Variants in RSPO3 observed in about 807,000 individuals in gnomAD.
RSPO3 encodes the protein R-spondin-3.
In RSPO3, 17 loss-of-function variants were observed where a neutral mutation model predicts 36.5. That is an observed-to-expected ratio of 0.47 (90% CI 0.32 to 0.70). The LOEUF (loss-of-function observed/expected upper bound fraction) is 0.70, where lower values mean the gene tolerates loss of function less well. Among genes scored for constraint, RSPO3 ranks in the 30% least tolerant of loss-of-function variants. The pLI is 0.04. For missense variants in RSPO3, 294 were observed against 322.5 expected (o/e 0.91, Z 0.68); for synonymous variants, 108 against 107.0 (o/e 1.01, Z -0.06).
intron 2 of RSPO3, among the ~76,000 whole-genome samples, chr6:127,149,994 TA>T (rs1468049547): frequency 2.6e-5 from 4 of 151,948 alleles, no homozygotes; most frequent in African/African-American, 9.7e-5. Context: ...TCAACCAATA[TA>T]AAAAACAATG....
chr6:127,119,116 A>C lies in RSPO3; in HGVS notation c.-77A>C. On this transcript the variant is annotated 5_prime_UTR_variant, in exon 1 of 5. Transcript: ENST00000356698. ...CTGTCTATATACGCCTAACACCTAC[A>C]TATATTTTAAAAACATTAAATATAA... The C allele has an allele frequency of 8.6e-7, 1 of 1,158,260 alleles. No individual in the cohort carries two copies. Among genetic ancestry groups the C allele is most frequent in the South Asian group, 1.3e-5 (1 of 74,484 alleles). 71.7% of individuals were successfully genotyped at this position (1,158,260 alleles called of 1,614,324 possible).
chr6:127,177,700 G>T (rs1018069364), intron 4 of RSPO3, among the ~76,000 whole-genome samples: 2 of 151,718 alleles, frequency 1.3e-5, no homozygotes. Context: ...GAAAATATTT[G>T]TTTACTTTAT....
chr6:127,123,674 C>G (rs1773888249), intron 1 of RSPO3, among the ~76,000 whole-genome samples: 1 of 151,982 alleles, frequency 6.6e-6, no homozygotes, highest in Non-Finnish European at 1.5e-5. Flanking sequence ...CCAAGTTACT[C>G]AAGTAATGAG....
In RSPO3 at chr6:127,148,988, T is replaced by A. The variant is rs181769331; in HGVS notation, c.289+149T>A. 4.4e-3 allele frequency: 2,791 copies of A among 640,870 alleles called. 31 individuals carry two copies. The highest frequency in any genetic ancestry group is 0.013 in the Middle Eastern group (28 of 2,208). The allele number at this position is 640,870 out of a possible 1,614,324, so 39.7% of individuals were successfully genotyped here. Reference sequence around the variant, plus strand: ...GCTAAACCATACTTGGACTTAACCCTCAGAACCAGAAAATTTTTATCACTA... The same window carrying A: ...GCTAAACCATACTTGGACTTAACCCACAGAACCAGAAAATTTTTATCACTA... On this transcript the variant is annotated intron_variant, in intron 2 of 4. Transcript: ENST00000356698.
intron 4 of RSPO3, among the ~76,000 whole-genome samples, chr6:127,191,366 CTTG>C (rs973142746): frequency 3.9e-5 from 6 of 152,120 alleles, no homozygotes; most frequent in Admixed American, 6.5e-5. Context: ...GGGGTGTGAA[CTTG>C]TTGTTGACTA....
intron 4 of RSPO3, among the ~76,000 whole-genome samples, chr6:127,155,876 G>GTACA (rs1745924211): frequency 6.7e-6 from 1 of 148,606 alleles, no homozygotes; most frequent in African/African-American, 2.5e-5. Flanking sequence ...GTAGCTAAGT[G>GTACA]TATATATATA....
chr6:127,197,936 T>C lies in RSPO3; in HGVS notation c.*1929T>C, dbSNP rs1427251435. 6.6e-6 allele frequency among the ~76,000 whole-genome samples: 1 copy of C among 152,218 alleles called. No individual in the cohort carries two copies. The highest frequency in any genetic ancestry group is 1.5e-5 in the Non-Finnish European group (1 of 68,038). On this transcript the variant is annotated 3_prime_UTR_variant, in exon 5 of 5. Transcript: ENST00000356698. ...TACAGAATGATGTTAGGTAGAAATA[T>C]GTCCCCAGGTTTGAGACCTTTCGGA...
At chr6:127,140,425 G>C (rs958037521) in intron 1 of RSPO3, among the ~76,000 whole-genome samples, 2 of 152,152 alleles carry the variant, frequency 1.3e-5, no homozygotes, top group African/African-American at 4.8e-5. Flanking sequence ...GAGGAACAGA[G>C]GAGAAACGAG....
chr6:127,122,325 G>A (rs942557946), intron 1 of RSPO3, among the ~76,000 whole-genome samples: 1 of 152,092 alleles, frequency 6.6e-6, no homozygotes, highest in Non-Finnish European at 1.5e-5. Flanking sequence ...TATTTGAATT[G>A]GTATACAGCT....
chr6:127,191,365 A>G (rs2114272790), intron 4 of RSPO3, among the ~76,000 whole-genome samples: 1 of 152,206 alleles, frequency 6.6e-6, no homozygotes, highest in South Asian at 2.1e-4. Flanking sequence ...AGGGGTGTGA[A>G]CTTGTTGTTG....
intron 1 of RSPO3, among the ~76,000 whole-genome samples, chr6:127,130,123 T>G (rs1562240264): frequency 6.6e-6 from 1 of 152,128 alleles, no homozygotes; most frequent in Non-Finnish European, 1.5e-5. Context: ...AATTTTAAGC[T>G]TTCAATATTT....
intron 2 of RSPO3, 33 bp downstream of exon 2, chr6:127,148,872 C>T: frequency 6.5e-7 from 1 of 1,543,162 alleles, no homozygotes; most frequent in African/African-American, 1.4e-5. Context: ...ATTTTTATCT[C>T]ATCTTTGGTG....
intron 4 of RSPO3, among the ~76,000 whole-genome samples, chr6:127,159,341 T>C (rs769505061): frequency 2.6e-5 from 4 of 152,080 alleles, no homozygotes; most frequent in Non-Finnish European, 4.4e-5. Flanking sequence ...TCACAGATAG[T>C]GTATGATCTT....
chr6:127,118,821 A>G lies in RSPO3; in HGVS notation c.-372A>G, dbSNP rs1214370890. ...GCAGCCGCCGCAGCTTCTGAGCCCAAGGGGCCGCCGCTGCAGCCGCCGCCG... is the reference window on the plus strand; with the variant it reads ...GCAGCCGCCGCAGCTTCTGAGCCCAGGGGGCCGCCGCTGCAGCCGCCGCCG... On this transcript the variant is annotated 5_prime_UTR_variant, in exon 1 of 5. Coordinates refer to ENST00000356698, the MANE Select transcript of RSPO3 (RefSeq NM_032784.5). The G allele has an allele frequency of 3.1e-5, 5 of 159,242 alleles. No homozygotes were observed. The highest frequency in any genetic ancestry group is 6.8e-5 in the Non-Finnish European group (5 of 73,782). 9.9% of individuals were successfully genotyped at this position (159,242 alleles called of 1,614,324 possible). A position where few individuals can be genotyped will look rare whatever the true frequency, so the allele number is the denominator to read the frequency against.
At chr6:127,193,130 G>A (rs553912430) in intron 4 of RSPO3, among the ~76,000 whole-genome samples, 2 of 152,302 alleles carry the variant, frequency 1.3e-5, no homozygotes, top group East Asian at 3.9e-4. Context: ...AATGTACAAT[G>A]TGTTAGTTTC....
At chr6:127,124,290 C>G (rs1044055690) in intron 1 of RSPO3, among the ~76,000 whole-genome samples, 4 of 152,040 alleles carry the variant, frequency 2.6e-5, no homozygotes, top group African/African-American at 9.7e-5. Flanking sequence ...CTCACATATC[C>G]CATCCCCACC....
intron 4 of RSPO3, among the ~76,000 whole-genome samples, chr6:127,191,758 T>G (rs1355043817): frequency 6.6e-6 from 1 of 152,216 alleles, no homozygotes; most frequent in South Asian, 2.1e-4. Context: ...AATAGCCTAT[T>G]GGCCTTTTCT....
At chr6:127,138,007 G>A (rs1774194921) in intron 1 of RSPO3, among the ~76,000 whole-genome samples, 1 of 152,166 alleles carries the variant, frequency 6.6e-6, no homozygotes, top group African/African-American at 2.4e-5. Context: ...TAATAATAAT[G>A]TAATACTGAA....
At chr6:127,177,759 G>A (rs2114627276) in intron 4 of RSPO3, among the ~76,000 whole-genome samples, 1 of 151,798 alleles carries the variant, frequency 6.6e-6, no homozygotes, top group East Asian at 1.9e-4. Flanking sequence ...AAAAGGACTT[G>A]CAAGAAGCCA....
Sources: allele counts gnomAD v4.1 joint callset (sites outside exome capture counted in the v4.1 genomes callset), GRCh38; gene constraint gnomAD v4.1.1; transcripts MANE v1.5; gene names NCBI Gene and HGNC (gene_info 2026-07-23, HGNC 2026-07-21).